The following NCAM2 variants were observed in gnomAD, a reference collection of about 807,000 sequenced individuals.
NCAM2 encodes neural cell adhesion molecule 2, also known as N-CAM-2.
NCAM2 carries 30 observed loss-of-function variants against 98.1 expected under a neutral mutation model. That is an observed-to-expected ratio of 0.31 (90% CI 0.23 to 0.41). The LOEUF (loss-of-function observed/expected upper bound fraction) is 0.41. NCAM2 is among the 10% of genes least tolerant of loss of function. The pLI is 1.00. For synonymous variants in NCAM2, 368 were observed against 342.4 expected (o/e 1.07, Z -0.83); for missense variants, 867 against 1,005.8 (o/e 0.86, Z 1.87).
Position 21,121,030 on chromosome 21 carries a change from G to A in NCAM2, c.55+122412G>A, listed in dbSNP as rs115963899. Among the ~76,000 whole-genome samples, 976 of 152,162 alleles carry A rather than the reference G, an allele frequency of 6.4e-3. 10 individuals are homozygous for A. The highest frequency in any genetic ancestry group is 0.026 in the South Asian group (128 of 4,832). ...CGCGCCCGGCCATGGATGTTTATTT[G>A]TACACTGCAAATGTCTTTACTGAGT... On this transcript the variant is annotated intron_variant, in intron 1 of 17. Transcript: ENST00000400546.
intron 8 of NCAM2, among the ~76,000 whole-genome samples, chr21:21,354,293 A>T (rs568190031): frequency 6.6e-6 from 1 of 152,298 alleles, no homozygotes; most frequent in South Asian, 2.1e-4. Context: ...GCAATAAATT[A>T]TAACTATCTT....
chr21:21,018,566 A>T (rs959967258), intron 1 of NCAM2, among the ~76,000 whole-genome samples: 4 of 152,230 alleles, frequency 2.6e-5, no homozygotes, highest in African/African-American at 9.6e-5. Context: ...ATAGATGCAT[A>T]TTCTCTTATA....
chr21:21,531,848 C>G (rs1989714970), intron 16 of NCAM2, among the ~76,000 whole-genome samples: 1 of 147,132 alleles, frequency 6.8e-6, no homozygotes, highest in Non-Finnish European at 1.5e-5. Context: ...AAAAAATTAG[C>G]CGGGCGTGGT....
chr21:21,379,783 G>C (rs1007741786), intron 9 of NCAM2, among the ~76,000 whole-genome samples: 1 of 151,852 alleles, frequency 6.6e-6, no homozygotes, highest in Non-Finnish European at 1.5e-5. Flanking sequence ...CACTCATCAG[G>C]ATTCCTTAGA....
At chr21:21,266,121 A>G (rs1471212112) in intron 1 of NCAM2, among the ~76,000 whole-genome samples, 1 of 152,040 alleles carries the variant, frequency 6.6e-6, no homozygotes, top group African/African-American at 2.4e-5. Context: ...CTGATATTTT[A>G]AAAAAATGGT....
chr21:21,528,061 A>G (rs1989425396), intron 16 of NCAM2, among the ~76,000 whole-genome samples: 1 of 152,224 alleles, frequency 6.6e-6, no homozygotes. Flanking sequence ...GGAAACTTAG[A>G]TGATTATTAC....
intron 8 of NCAM2, among the ~76,000 whole-genome samples, chr21:21,355,797 G>A (rs1355693923): frequency 6.6e-6 from 1 of 151,718 alleles, no homozygotes; most frequent in Non-Finnish European, 1.5e-5. Context: ...TGTATGTTTA[G>A]TAGAGACCAG....
chr21:21,157,248 A>G (rs1002727553), intron 1 of NCAM2, among the ~76,000 whole-genome samples: 3 of 152,156 alleles, frequency 2.0e-5, no homozygotes, highest in African/African-American at 7.2e-5. Flanking sequence ...TCACTACTTG[A>G]ACCCGAGCTA....
At chr21:21,012,653 T>C (rs770103074) in intron 1 of NCAM2, among the ~76,000 whole-genome samples, 7 of 152,142 alleles carry the variant, frequency 4.6e-5, no homozygotes, top group African/African-American at 9.7e-5. Flanking sequence ...TAAAGAAATA[T>C]AGGCGCAGTT....
chr21:21,280,485 A>G lies in NCAM2; in HGVS notation c.56-93A>G, dbSNP rs1381193262. On this transcript the variant is annotated intron_variant, in intron 1 of 17. Coordinates refer to ENST00000400546, the MANE Select transcript of NCAM2 (RefSeq NM_004540.5). The stretch of plus-strand genomic sequence containing the variant: ...AATAAAAAATTGGGGGGAAATAATC[A>G]GCGTTTGGACCATGTGGTTTAGACA... 4.5e-5 allele frequency: 34 copies of G among 762,820 alleles called. No homozygotes were observed. The Admixed American group carries it at 1.2e-3, about 27-fold the overall frequency. 47.3% of individuals were successfully genotyped at this position (762,820 alleles called of 1,614,324 possible).
intron 12 of NCAM2, among the ~76,000 whole-genome samples, chr21:21,465,821 G>A (rs2146209709): frequency 6.6e-6 from 1 of 152,092 alleles, no homozygotes; most frequent in Non-Finnish European, 1.5e-5. Flanking sequence ...TTTAAAGAAA[G>A]TGGCAACTAT....
chr21:21,125,930 C>T (rs2066812116), intron 1 of NCAM2, among the ~76,000 whole-genome samples: 1 of 151,338 alleles, frequency 6.6e-6, no homozygotes, highest in Non-Finnish European at 1.5e-5. Context: ...CCTTTCTTCA[C>T]TAGTGTATGT....
At chr21:21,492,069 CTGGGCCAT>C (rs1351965221) in intron 15 of NCAM2, among the ~76,000 whole-genome samples, 2 of 151,296 alleles carry the variant, frequency 1.3e-5, no homozygotes, top group Non-Finnish European at 3.0e-5. Flanking sequence ...TTCTACTATT[CTGGGCCAT>C]TGTGAAGAAA....
chr21:21,044,772 C>T (rs771709543), intron 1 of NCAM2, among the ~76,000 whole-genome samples: 4 of 150,036 alleles, frequency 2.7e-5, no homozygotes, highest in Non-Finnish European at 4.4e-5. Flanking sequence ...TTGAGACCAG[C>T]CTGGGCAACA....
chr21:21,524,688 T>G (rs964577371), intron 16 of NCAM2, among the ~76,000 whole-genome samples: 7 of 152,134 alleles, frequency 4.6e-5, no homozygotes, highest in African/African-American at 1.7e-4. Flanking sequence ...TGTAGACGAA[T>G]TAATCCAATA....
chr21:21,264,492 T>C (rs1020785133), intron 1 of NCAM2, among the ~76,000 whole-genome samples: 4 of 152,098 alleles, frequency 2.6e-5, no homozygotes, highest in Admixed American at 2.0e-4. Flanking sequence ...ATTCCATTAT[T>C]CAGTACCTAA....
chr21:21,504,984 C>T (rs1437562623), intron 15 of NCAM2, among the ~76,000 whole-genome samples: 2 of 151,770 alleles, frequency 1.3e-5, no homozygotes, highest in Non-Finnish European at 2.9e-5. Flanking sequence ...TTATTATTGA[C>T]TATAGTCATC....
chr21:21,185,625 T>G (rs1315507184), intron 1 of NCAM2, among the ~76,000 whole-genome samples: 1 of 152,192 alleles, frequency 6.6e-6, no homozygotes, highest in Admixed American at 6.5e-5. Context: ...TGTGTTGTAG[T>G]ATCACCCAGC....
chr21:21,135,218 T>C (rs7276554), intron 1 of NCAM2, among the ~76,000 whole-genome samples: 63,927 of 146,074 alleles, frequency 0.44, 14,347 homozygotes, highest in African/African-American at 0.57. Context: ...TGCACTCCAG[T>C]CTGGGCTACA....
Sources: gnomAD v4.1 joint callset for allele counts (sites outside exome capture counted in the v4.1 genomes callset) on GRCh38, gnomAD v4.1.1 for gene constraint, MANE v1.5 for transcripts, NCBI Gene and HGNC (gene_info 2026-07-23, HGNC 2026-07-21) for gene names.